CHCHD6: variants seen among roughly 807,000 people sequenced by gnomAD.
CHCHD6 encodes the protein MICOS complex subunit MIC25.
CHCHD6 carries 28 observed loss-of-function variants against 32.3 expected under a neutral mutation model. That is an observed-to-expected ratio of 0.87 (90% confidence interval 0.64 to 1.19). The LOEUF (loss-of-function observed/expected upper bound fraction) is 1.19, where lower values mean the gene tolerates loss of function less well. Among genes scored for constraint, CHCHD6 ranks in the 50% most tolerant of loss-of-function variants. The pLI, the probability that CHCHD6 is intolerant of heterozygous loss-of-function variation, is 0.00. For synonymous variants in CHCHD6, 122 were observed against 117.5 expected (o/e 1.04, Z -0.25); for missense variants, 333 against 307.0 (o/e 1.08, Z -0.63).
chr3:126,947,122 G>A (rs921166154), intron 6 of CHCHD6, among the ~76,000 whole-genome samples: 5 of 152,274 alleles, frequency 3.3e-5, no homozygotes, highest in Admixed American at 1.3e-4. Flanking sequence ...GAGCTGGAGT[G>A]CCCGCCGTCA....
chr3:126,824,457 A>T (rs1288746520), intron 4 of CHCHD6, among the ~76,000 whole-genome samples: 1 of 145,538 alleles, frequency 6.9e-6, no homozygotes, highest in Non-Finnish European at 1.5e-5. Context: ...GCTACTCGGG[A>T]GACTGAAGCA....
At chr3:126,926,159 C>CA (rs987067574) in intron 6 of CHCHD6, among the ~76,000 whole-genome samples, 5 of 152,228 alleles carry the variant, frequency 3.3e-5, no homozygotes, top group African/African-American at 1.2e-4. Context: ...CCACCCAAGA[C>CA]AGAGTTAGCT....
chr3:126,868,912 A>G lies in CHCHD6; in HGVS notation c.495+16182A>G, dbSNP rs539645504. Among the ~76,000 whole-genome samples, 570 of 152,322 alleles carry G rather than the reference A, an allele frequency of 3.7e-3. 4 individuals carry two copies. The highest frequency in any genetic ancestry group is 4.2e-3 in the Non-Finnish European group (284 of 68,030). On this transcript the variant is annotated intron_variant, in intron 5 of 7. Coordinates refer to ENST00000290913, the MANE Select transcript of CHCHD6 (RefSeq NM_032343.3). ...ACATCATAAGGCTTTTGGTTGCCAGATTGCCATGCATAGAGGCTGTAGCAG... is the reference window on the plus strand; with the variant it reads ...ACATCATAAGGCTTTTGGTTGCCAGGTTGCCATGCATAGAGGCTGTAGCAG...
chr3:126,771,776 C>T (rs1440990144), intron 4 of CHCHD6, among the ~76,000 whole-genome samples: 3 of 152,308 alleles, frequency 2.0e-5, no homozygotes, highest in Admixed American at 6.5e-5. Context: ...GTATCTAGTG[C>T]TATAAACCGC....
At chr3:126,885,333 A>T (rs1042493787) in intron 5 of CHCHD6, among the ~76,000 whole-genome samples, 2 of 152,108 alleles carry the variant, frequency 1.3e-5, no homozygotes, top group South Asian at 2.1e-4. Flanking sequence ...GGAGAACACG[A>T]TTATTTTTTT....
At chr3:126,928,024 G>A (rs1176049526) in intron 6 of CHCHD6, among the ~76,000 whole-genome samples, 2 of 152,208 alleles carry the variant, frequency 1.3e-5, no homozygotes, top group Non-Finnish European at 2.9e-5. Flanking sequence ...CACTGCCCTG[G>A]GGGCAGGGGT....
At position 126,947,776 on chromosome 3, in the gene CHCHD6, G is replaced by A. The variant is rs555063131; in HGVS notation, c.567-9640G>A. On this transcript the variant is annotated intron_variant, in intron 6 of 7. Transcript: ENST00000290913. ...ACCATCAGCTCCCCTCCCACAGGCT[G>A]ATCCTCATCCCAGATCTCTCCCAGT... 2.0e-5 allele frequency among the ~76,000 whole-genome samples: 3 copies of A among 152,316 alleles called. No individual in the cohort carries two copies. In the South Asian group the frequency reaches 6.2e-4, roughly 32 times the overall value.
chr3:126,705,473 A>T (rs1424132468), intron 1 of CHCHD6, among the ~76,000 whole-genome samples: 1 of 152,212 alleles, frequency 6.6e-6, no homozygotes, highest in African/African-American at 2.4e-5. Flanking sequence ...TTGTAGATTA[A>T]GGAGAAGTGA....
intron 5 of CHCHD6, among the ~76,000 whole-genome samples, chr3:126,884,328 T>C (rs2077651615): frequency 6.6e-6 from 1 of 152,228 alleles, no homozygotes; most frequent in Admixed American, 6.5e-5. Flanking sequence ...CACCCCTTAC[T>C]AAACATTCAG....
At chr3:126,937,049 A>G (rs1252211342) in intron 6 of CHCHD6, among the ~76,000 whole-genome samples, 1 of 152,218 alleles carries the variant, frequency 6.6e-6, no homozygotes, top group African/African-American at 2.4e-5. Context: ...GCTCCAGGTC[A>G]TGTGGGTAGA....
At chr3:126,958,573 C>T (rs1370514014) in intron 7 of CHCHD6, among the ~76,000 whole-genome samples, 1 of 152,178 alleles carries the variant, frequency 6.6e-6, no homozygotes, top group East Asian at 1.9e-4. Context: ...TGGGTCATGC[C>T]CTGCTCACAC....
chr3:126,767,082 G>T, intron 4 of CHCHD6: 2 of 1,167,978 alleles, frequency 1.7e-6, no homozygotes, highest in Non-Finnish European at 2.6e-6. Flanking sequence ...TACTCTGTCC[G>T]CCGTGCCCGG....
In CHCHD6 at chr3:126,933,955, A is replaced by T. The variant is rs139922858; in HGVS notation, c.566+19205A>T. 2.8e-3 allele frequency among the ~76,000 whole-genome samples: 430 copies of T among 152,198 alleles called. 2 individuals carry two copies. The highest frequency in any genetic ancestry group is 9.9e-3 in the African/African-American group (412 of 41,518). ...CACATGCATGCATTCATGCACTCTC[A>T]CACTCGCTCTGCCTATAACCAGAGA... On this transcript the variant is annotated intron_variant, in intron 6 of 7. Coordinates refer to ENST00000290913, the MANE Select transcript of CHCHD6 (RefSeq NM_032343.3).
chr3:126,905,021 C>T lies in CHCHD6; in HGVS notation c.496-9659C>T, dbSNP rs184624051. ...TGCTTCCAGGAGGCTAGGCCAGGGG[C>T]GGGAGCAGTGGACTTGACTACCTTA... On this transcript the variant is annotated intron_variant, in intron 5 of 7. Coordinates refer to ENST00000290913, the MANE Select transcript of CHCHD6 (RefSeq NM_032343.3). Among the ~76,000 whole-genome samples the T allele has an allele frequency of 3.1e-3, 473 of 152,182 alleles. 1 individual carries two copies. Among genetic ancestry groups the T allele is most frequent in the Non-Finnish European group, 5.1e-3 (347 of 67,994 alleles).
At chr3:126,906,817 A>G (rs914064238) in intron 5 of CHCHD6, among the ~76,000 whole-genome samples, 4 of 152,102 alleles carry the variant, frequency 2.6e-5, no homozygotes, top group Non-Finnish European at 5.9e-5. Context: ...TATTCATTGG[A>G]TCCTCAGCAC....
At chr3:126,845,070 C>G (rs969737783) in intron 4 of CHCHD6, among the ~76,000 whole-genome samples, 1 of 152,156 alleles carries the variant, frequency 6.6e-6, no homozygotes, top group East Asian at 1.9e-4. Flanking sequence ...TAAGAGAAGA[C>G]GTTTATATTG....
chr3:126,858,307 CG>C (rs1170208484), intron 5 of CHCHD6, among the ~76,000 whole-genome samples: 1 of 2,970 alleles, frequency 3.4e-4, no homozygotes. Context: ...GGGGCGGGGG[CG>C]GGGGGGAGGG....
At chr3:126,909,642 T>A (rs1042260660) in intron 5 of CHCHD6, among the ~76,000 whole-genome samples, 3 of 152,196 alleles carry the variant, frequency 2.0e-5, no homozygotes, top group African/African-American at 4.8e-5. Context: ...TGCTTTCAGA[T>A]GTGCATGTGG....
chr3:126,941,011 A>T (rs1042106721), intron 6 of CHCHD6, among the ~76,000 whole-genome samples: 1 of 152,058 alleles, frequency 6.6e-6, no homozygotes, highest in Non-Finnish European at 1.5e-5. Context: ...TTGGAAGTTG[A>T]TGTGGAGATG....
Sources: allele counts gnomAD v4.1 joint callset (sites outside exome capture counted in the v4.1 genomes callset), GRCh38; gene constraint gnomAD v4.1.1; transcripts MANE v1.5; gene names NCBI Gene and HGNC (gene_info 2026-07-23, HGNC 2026-07-21).